The following CFAP54 variants were observed in gnomAD, a reference collection of about 807,000 sequenced individuals.
The protein encoded by CFAP54 is cilia and flagella associated protein 54.
CFAP54 carries 290 observed loss-of-function variants against 370.4 expected under a neutral mutation model. The ratio of observed to expected loss-of-function variants is 0.78; its 90% CI spans 0.71 to 0.86. CFAP54 has a LOEUF of 0.86. CFAP54 is among the 40% of genes least tolerant of loss of function. CFAP54 has a pLI of 0.00. For synonymous variants in CFAP54, 1,206 were observed against 1,236.5 expected (o/e 0.98, Z 0.52); for missense variants, 3,399 against 3,528.7 (o/e 0.96, Z 0.93).
At chr12:96,869,799 G>A (rs1405328736) in intron 67 of CFAP54, among the ~76,000 whole-genome samples, 1 of 151,902 alleles carries the variant, frequency 6.6e-6, no homozygotes, top group Non-Finnish European at 1.5e-5. Context: ...GCTGGGTGTG[G>A]TGGTGCATGC....
At chr12:96,804,120 T>C (rs1030198787) in intron 63 of CFAP54, among the ~76,000 whole-genome samples, 2 of 151,978 alleles carry the variant, frequency 1.3e-5, no homozygotes, top group African/African-American at 4.8e-5. Context: ...AGTGACACAC[T>C]AGAGCAAGCA....
chr12:96,533,883 T>G lies in CFAP54; in HGVS notation c.1449T>G (p.Asp483Glu). The change falls in exon 10 of 68, where the codon GAT (aspartate) becomes GAG (glutamate). Residue 483 changes from aspartate to glutamate, a missense_variant. Coordinates refer to ENST00000524981, the MANE Select transcript of CFAP54 (RefSeq NM_001306084.2). ...MIGRKDVISVDAAVKFIKLAF... is the reference protein window; with the variant it reads ...MIGRKDVISVEAAVKFIKLAF... ...GAAGAAAAGATGTTATTTCTGTGGA[T>G]GCTGCTGTGAAATTTATAAAATTAG... The G allele has an allele frequency of 6.5e-7, 1 of 1,535,222 alleles. No homozygotes were observed. The highest frequency in any genetic ancestry group is 1.4e-5 in the African/African-American group (1 of 73,152).
chr12:96,686,999 T>C (rs2371226), intron 42 of CFAP54, among the ~76,000 whole-genome samples: 131,630 of 151,872 alleles, frequency 0.87, 57,377 homozygotes, highest in East Asian at 0.95. Flanking sequence ...AGGCTCCTGG[T>C]GAGAAGCTGC....
chr12:96,513,593 T>A (rs1955197455), intron 5 of CFAP54, among the ~76,000 whole-genome samples: 1 of 152,032 alleles, frequency 6.6e-6, no homozygotes, highest in Non-Finnish European at 1.5e-5. Context: ...ATACAAAAAT[T>A]AGCCGGACCT....
At chr12:96,769,175 AC>A (rs1958431103) in intron 60 of CFAP54, among the ~76,000 whole-genome samples, 1 of 64,128 alleles carries the variant, frequency 1.6e-5, no homozygotes, top group East Asian at 1.2e-3. Context: ...TCAAGTATAT[AC>A]TCTTATCATT....
chr12:96,627,639 C>T (rs1019387794), intron 30 of CFAP54, among the ~76,000 whole-genome samples: 1 of 152,110 alleles, frequency 6.6e-6, no homozygotes, highest in Non-Finnish European at 1.5e-5. Flanking sequence ...AAAATAGGTA[C>T]TTCATTTATT....
At chr12:96,566,943 G>A (rs1955870090) in intron 19 of CFAP54, among the ~76,000 whole-genome samples, 1 of 152,144 alleles carries the variant, frequency 6.6e-6, no homozygotes, top group African/African-American at 2.4e-5. Context: ...TAAAAATCCA[G>A]TCTGTGGAAA....
intron 45 of CFAP54, 61 bp downstream of exon 45, chr12:96,693,869 T>C: frequency 3.7e-6 from 4 of 1,090,130 alleles, no homozygotes; most frequent in Non-Finnish European, 5.4e-6. Context: ...TTGTCATGTA[T>C]TAATTTGATT....
Position 96,661,255 on chromosome 12 carries a change from A to G in CFAP54, c.5461-2575A>G, listed in dbSNP as rs143914422. On this transcript the variant is annotated intron_variant, in intron 38 of 67. Coordinates refer to ENST00000524981, the MANE Select transcript of CFAP54 (RefSeq NM_001306084.2). ...ATCCTGAAGCTACCTAGGGGTTGCCAGCCGTCAATCAACTTATTAGCATAC... is the reference window on the plus strand; with the variant it reads ...ATCCTGAAGCTACCTAGGGGTTGCCGGCCGTCAATCAACTTATTAGCATAC... Among the ~76,000 whole-genome samples, 842 of 152,294 alleles carry G rather than the reference A, an allele frequency of 5.5e-3. 5 individuals carry two copies. The highest frequency in any genetic ancestry group is 8.4e-3 in the Non-Finnish European group (573 of 68,020).
intron 62 of CFAP54, among the ~76,000 whole-genome samples, chr12:96,789,217 A>G (rs926081080): frequency 8.5e-5 from 13 of 152,194 alleles, no homozygotes; most frequent in Admixed American, 3.3e-4. Flanking sequence ...ACTCCCAGGA[A>G]GAAAGCGCAG....
At chr12:96,511,658 A>C (rs895924566) in intron 4 of CFAP54, among the ~76,000 whole-genome samples, 6 of 142,394 alleles carry the variant, frequency 4.2e-5, no homozygotes, top group Admixed American at 4.2e-4. Flanking sequence ...CTAATTTTGT[A>C]TTTTTAGTAG....
At chr12:96,649,110 A>G (rs1327135939) in intron 34 of CFAP54, among the ~76,000 whole-genome samples, 1 of 152,180 alleles carries the variant, frequency 6.6e-6, no homozygotes, top group East Asian at 1.9e-4. Flanking sequence ...ATTTATTGCC[A>G]ACCAGAGTTC....
chr12:96,553,503 AATAT>A (rs1955718655), intron 15 of CFAP54, among the ~76,000 whole-genome samples: 1 of 81,614 alleles, frequency 1.2e-5, no homozygotes, highest in Non-Finnish European at 2.6e-5. Flanking sequence ...TATATATAGT[AATAT>A]ATGTATAGTA....
intron 48 of CFAP54, among the ~76,000 whole-genome samples, chr12:96,709,419 T>C (rs1957585014): frequency 6.6e-6 from 1 of 152,212 alleles, no homozygotes; most frequent in Non-Finnish European, 1.5e-5. Flanking sequence ...GTATTAGATG[T>C]TGCCTTAAAA....
chr12:96,545,316 C>T (rs1266554648), intron 14 of CFAP54, among the ~76,000 whole-genome samples: 1 of 152,054 alleles, frequency 6.6e-6, no homozygotes, highest in Non-Finnish European at 1.5e-5. Flanking sequence ...TTGATGGGTG[C>T]AGCAAACCAC....
chr12:96,757,032 G>T (rs1019337), intron 57 of CFAP54, among the ~76,000 whole-genome samples: 36,595 of 152,142 alleles, frequency 0.24, 4,590 homozygotes, highest in South Asian at 0.29. Flanking sequence ...CCAGCTGACA[G>T]ATTTGATAGT....
chr12:96,819,870 C>T (rs1234179164), intron 65 of CFAP54, among the ~76,000 whole-genome samples: 1 of 152,208 alleles, frequency 6.6e-6, no homozygotes, highest in African/African-American at 2.4e-5. Flanking sequence ...AGACTGAATG[C>T]TCTCATGCCT....
intron 40 of CFAP54, among the ~76,000 whole-genome samples, chr12:96,683,854 C>T (rs535349164): frequency 4.4e-4 from 64 of 146,740 alleles, no homozygotes; most frequent in African/African-American, 1.4e-3. Flanking sequence ...TACAGTGGCA[C>T]GATCTTGGCT....
At chr12:96,676,930 C>A (rs1243493379) in intron 39 of CFAP54, among the ~76,000 whole-genome samples, 1 of 152,134 alleles carries the variant, frequency 6.6e-6, no homozygotes, top group Non-Finnish European at 1.5e-5. Flanking sequence ...GGAGAGGGCC[C>A]TCACCAGAAT....
Sources: allele counts gnomAD v4.1 joint callset (sites outside exome capture counted in the v4.1 genomes callset), GRCh38; gene constraint gnomAD v4.1.1; transcripts MANE v1.5; gene names NCBI Gene and HGNC (gene_info 2026-07-23, HGNC 2026-07-21).